Variants in WDFY4 observed in about 807,000 individuals in gnomAD.
WDFY4 encodes the protein WDFY family member 4.
In WDFY4, 169 loss-of-function variants were observed where a neutral mutation model predicts 351.9. The ratio of observed to expected loss-of-function variants is 0.48; its 90% CI spans 0.42 to 0.55. The LOEUF is 0.55. WDFY4 is among the 20% of genes least tolerant of loss of function. WDFY4 has a pLI of 0.00. For synonymous variants in WDFY4, 1,622 were observed against 1,574.6 expected (o/e 1.03, Z -0.71); for missense variants, 3,803 against 3,935.6 (o/e 0.97, Z 0.90).
intron 14 of WDFY4, among the ~76,000 whole-genome samples, chr10:48,775,087 C>T (rs542472324): frequency 1.5e-4 from 23 of 152,282 alleles, no homozygotes; most frequent in Non-Finnish European, 2.9e-4. Flanking sequence ...GGGCAGAACC[C>T]ACCTGGATCC....
At chr10:48,816,472 T>A (rs2067624002) in intron 31 of WDFY4, among the ~76,000 whole-genome samples, 1 of 152,260 alleles carries the variant, frequency 6.6e-6, no homozygotes, top group Non-Finnish European at 1.5e-5. Flanking sequence ...GTTCTCTATT[T>A]CTAGTTATGT....
chr10:48,687,037 C>T (rs1375428806), intron 1 of WDFY4, among the ~76,000 whole-genome samples: 1 of 152,134 alleles, frequency 6.6e-6, no homozygotes, highest in African/African-American at 2.4e-5. Context: ...TTGATATTGT[C>T]TGGTACTGTA....
chr10:48,757,155 G>C (rs927748801), intron 12 of WDFY4, among the ~76,000 whole-genome samples: 1 of 152,070 alleles, frequency 6.6e-6, no homozygotes, highest in Non-Finnish European at 1.5e-5. Context: ...GTTGAGTTTG[G>C]TAGTTTGTGG....
At chr10:48,724,555 C>A (rs577184875) in intron 5 of WDFY4, among the ~76,000 whole-genome samples, 8 of 152,082 alleles carry the variant, frequency 5.3e-5, no homozygotes, top group Non-Finnish European at 8.8e-5. Context: ...TTTTAGGTGC[C>A]CTGAAGGGAA....
chr10:48,828,494 C>A (rs947545463), intron 36 of WDFY4, among the ~76,000 whole-genome samples: 1 of 152,026 alleles, frequency 6.6e-6, no homozygotes, highest in African/African-American at 2.4e-5. Context: ...GTTTTGATGG[C>A]GGGGAATCAG....
chr10:48,838,897 G>T (rs1025462019), intron 39 of WDFY4, among the ~76,000 whole-genome samples: 1 of 152,212 alleles, frequency 6.6e-6, no homozygotes, highest in Non-Finnish European at 1.5e-5. Context: ...GTAGCACCTG[G>T]TCTTGCTTGC....
chr10:48,789,834 G>C lies in WDFY4; in HGVS notation c.3955-40G>C, dbSNP rs923927199. ...GCTCGTGGACAATGCTTCTTCTTTT[G>C]CAGGACTTTCTTAGGACTAATTGCT... On this transcript the variant is annotated intron_variant, in intron 21 of 61. Transcript: ENST00000325239. 7.8e-6 allele frequency: 12 copies of C among 1,545,696 alleles called. No homozygotes were observed. The African/African-American group carries it at 1.6e-4, about 21-fold the overall frequency.
chr10:48,873,792 G>A, intron 41 of WDFY4, 95 bp downstream of exon 41: 2 of 1,356,272 alleles, frequency 1.5e-6, no homozygotes, highest in Non-Finnish European at 2.0e-6. Context: ...GTTTATATCA[G>A]GCTAAGATAA....
intron 13 of WDFY4, among the ~76,000 whole-genome samples, chr10:48,761,517 A>C (rs2065505614): frequency 1.3e-5 from 2 of 152,176 alleles, no homozygotes; most frequent in Admixed American, 1.3e-4. Flanking sequence ...ACCTGTCCAG[A>C]GGCAGAATCA....
chr10:48,829,721 G>A (rs191865384), intron 37 of WDFY4, among the ~76,000 whole-genome samples: 381 of 152,216 alleles, frequency 2.5e-3, no homozygotes, highest in Non-Finnish European at 4.8e-3. Flanking sequence ...GCATAGTGGC[G>A]GGCACCTGTA....
At chr10:48,789,639 G>C (rs895187791) in intron 21 of WDFY4, among the ~76,000 whole-genome samples, 10 of 152,256 alleles carry the variant, frequency 6.6e-5, no homozygotes, top group African/African-American at 2.4e-4. Flanking sequence ...GGCTCAGACT[G>C]CGTAACTGAA....
rs1168365128 is a variant in WDFY4, at chr10:48,953,708, G to A, written c.7978-3421G>A. ...TCCAGATGTGGCAGCAGGTTGATTT[G>A]GATCAGTGTTATCAGGAAGGAAGAA... On this transcript the variant is annotated intron_variant, in intron 51 of 61. Transcript: ENST00000325239. Among the ~76,000 whole-genome samples the A allele has an allele frequency of 2.0e-5, 3 of 152,196 alleles. No homozygotes were observed. The East Asian group carries it at 5.8e-4, about 29-fold the overall frequency.
chr10:48,847,127 G>T (rs2068801941), intron 39 of WDFY4, among the ~76,000 whole-genome samples: 1 of 152,184 alleles, frequency 6.6e-6, no homozygotes, highest in South Asian at 2.1e-4. Flanking sequence ...AGAGGTCCGA[G>T]AAGAAAGTGA....
At chr10:48,916,492 C>A (rs1838545421) in intron 47 of WDFY4, among the ~76,000 whole-genome samples, 1 of 152,178 alleles carries the variant, frequency 6.6e-6, no homozygotes, top group Non-Finnish European at 1.5e-5. Flanking sequence ...TGTCTTTGAC[C>A]AAACTGTGGT....
chr10:48,690,852 C>T (rs191245792), intron 1 of WDFY4, among the ~76,000 whole-genome samples: 4 of 152,270 alleles, frequency 2.6e-5, no homozygotes, highest in African/African-American at 9.6e-5. Flanking sequence ...CCATAGGTGG[C>T]CATGAGCAGC....
At chr10:48,839,042 C>T (rs2068506761) in intron 39 of WDFY4, among the ~76,000 whole-genome samples, 1 of 152,216 alleles carries the variant, frequency 6.6e-6, no homozygotes, top group Non-Finnish European at 1.5e-5. Context: ...CAGCTGCTTT[C>T]TAGTTAAACG....
intron 47 of WDFY4, among the ~76,000 whole-genome samples, chr10:48,923,062 A>G (rs1839236536): frequency 6.6e-6 from 1 of 152,216 alleles, no homozygotes; most frequent in Non-Finnish European, 1.5e-5. Context: ...TTTTTAAAAA[A>G]ACTTTACAAA....
chr10:48,706,165 A>G (rs943914911), intron 1 of WDFY4, among the ~76,000 whole-genome samples: 1 of 152,242 alleles, frequency 6.6e-6, no homozygotes, highest in Non-Finnish European at 1.5e-5. Flanking sequence ...TTTGGGTGCC[A>G]TCAGCACGTA....
At chr10:48,726,317 AAG>A (rs1456279160) in intron 6 of WDFY4, among the ~76,000 whole-genome samples, 1 of 152,232 alleles carries the variant, frequency 6.6e-6, no homozygotes, top group South Asian at 2.1e-4. Context: ...AAAGCAGGGA[AAG>A]AGGATCTCAC....
Sources: gnomAD v4.1 joint callset for allele counts (sites outside exome capture counted in the v4.1 genomes callset) on GRCh38, gnomAD v4.1.1 for gene constraint, MANE v1.5 for transcripts, NCBI Gene and HGNC (gene_info 2026-07-23, HGNC 2026-07-21) for gene names.